WFDC5: variants seen among roughly 807,000 people sequenced by gnomAD.
The protein encoded by WFDC5 is WAP four-disulfide core domain protein 5.
A neutral mutation model predicts 15.7 loss-of-function variants in WFDC5; 15 were observed. The ratio of observed to expected loss-of-function variants is 0.96; its 90% CI spans 0.64 to 1.47. The LOEUF is 1.47. Ranked by LOEUF, WFDC5 falls within the 40% of genes most tolerant of loss-of-function variation. WFDC5 has a pLI of 0.00. For synonymous variants in WFDC5, 109 were observed against 107.7 expected, an observed-to-expected ratio of 1.01 and a Z score of -0.07; for missense variants, 280 against 258.0, an observed-to-expected ratio of 1.09 and a Z score of -0.59.
At chr20:45,112,545 C>T (rs1981649873) in intron 1 of WFDC5, among the ~76,000 whole-genome samples, 1 of 152,202 alleles carries the variant, frequency 6.6e-6, no homozygotes, top group Non-Finnish European at 1.5e-5. Context: ...GTTCTCCACT[C>T]ACAGATGTGT....
At chr20:45,114,716 CCTGACAT>C (rs1446711897) in intron 1 of WFDC5, among the ~76,000 whole-genome samples, 1 of 151,988 alleles carries the variant, frequency 6.6e-6, no homozygotes, top group African/African-American at 2.4e-5. Flanking sequence ...CCTGCCACCC[CCTGACAT>C]ATAGACAGGC....
intron 2 of WFDC5, 43 bp from the exon 3 acceptor site, chr20:45,110,583 G>A: frequency 6.2e-7 from 1 of 1,614,042 alleles, no homozygotes; most frequent in Non-Finnish European, 8.5e-7. Context: ...TTGCCCACTG[G>A]CCCTGAAGCT....
At chr20:45,109,937 C>G in exon 4 of WFDC5, 1 of 1,609,764 alleles carries the variant, frequency 6.2e-7, no homozygotes, top group Non-Finnish European at 8.5e-7. Context: ...GGGCAGGGCC[C>G]CAGGCCTCCC....
upstream of WFDC5, chr20:45,115,274 G>C (rs1158377461): frequency 5.3e-6 from 3 of 561,266 alleles, no homozygotes; most frequent in Admixed American, 9.1e-5. Context: ...GCTGAAGATA[G>C]GGTGGCGGCA....
At chr20:45,111,158 G>T (rs113269241) in intron 1 of WFDC5, among the ~76,000 whole-genome samples, 1 of 152,298 alleles carries the variant, frequency 6.6e-6, no homozygotes, top group South Asian at 2.1e-4. Context: ...TGCTCGGGCC[G>T]CATCCTTTGC....
At position 45,110,390 on chromosome 20, in the gene WFDC5, GGAGCC is replaced by G. The variant is rs776802690; in HGVS notation, c.372_376del (p.Ala125TrpfsTer7). 6 of 1,592,648 alleles carry G rather than the reference GGAGCC, an allele frequency of 3.8e-6. No homozygotes were observed. The highest frequency in any genetic ancestry group is 3.3e-4 in the Middle Eastern group (2 of 5,972). On this transcript the variant is annotated frameshift_variant, in exon 3 of 4. Transcript: ENST00000307971. LOFTEE classifies it low-confidence loss of function (END_TRUNC). ...GGGAGGCACCTGCCCTGGGCACCCA[GGAGCC>G]GTACCTCTGGCAGGATCCCGGCAAT...
At chr20:45,112,722 A>G (rs1981655739) in intron 1 of WFDC5, among the ~76,000 whole-genome samples, 1 of 152,234 alleles carries the variant, frequency 6.6e-6, no homozygotes, top group Non-Finnish European at 1.5e-5. Context: ...ATCTAGACAC[A>G]CAATTAGCTA....
At chr20:45,111,761 A>C (rs1283950990) in intron 1 of WFDC5, among the ~76,000 whole-genome samples, 1 of 152,168 alleles carries the variant, frequency 6.6e-6, no homozygotes, top group African/African-American at 2.4e-5. Flanking sequence ...GGAGGAAATC[A>C]AGGCCTGAAA....
upstream of WFDC5, among the ~76,000 whole-genome samples, chr20:45,115,412 C>A (rs1015702432): frequency 6.6e-6 from 1 of 152,180 alleles, no homozygotes; most frequent in Non-Finnish European, 1.5e-5. Flanking sequence ...GTTGTTGAGG[C>A]AGATGCTTGC....
At chr20:45,109,868 G>T in exon 4 of WFDC5, 1 of 1,214,724 alleles carries the variant, frequency 8.2e-7, no homozygotes, top group Non-Finnish European at 1.2e-6. Context: ...GGAAGTGTCA[G>T]CAGGCCAGTG....
intron 1 of WFDC5, among the ~76,000 whole-genome samples, chr20:45,114,191 C>T (rs1981694787): frequency 6.6e-6 from 1 of 152,160 alleles, no homozygotes; most frequent in African/African-American, 2.4e-5. Context: ...TCAGCCTGTC[C>T]CCATTACTGT....
At chr20:45,116,199 C>G (rs778226031), upstream of WFDC5, among the ~76,000 whole-genome samples, 91 of 152,188 alleles carry the variant, frequency 6.0e-4, 2 homozygotes, top group Non-Finnish European at 2.1e-4. Flanking sequence ...ACAGCCCTGG[C>G]AGCAGGAAGT....
chr20:45,115,146 C>T (rs1426822851), exon 1 of WFDC5: 1 of 1,516,264 alleles, frequency 6.6e-7, no homozygotes, highest in Non-Finnish European at 9.0e-7. Context: ...TCAGGGAAGC[C>T]AGAGAAACTT....
chr20:45,111,614 T>C (rs1429524574), intron 1 of WFDC5, among the ~76,000 whole-genome samples: 1 of 152,214 alleles, frequency 6.6e-6, no homozygotes, highest in Non-Finnish European at 1.5e-5. Context: ...AGGCGTTAAC[T>C]CTGTCTCTGA....
upstream of WFDC5, among the ~76,000 whole-genome samples, chr20:45,115,658 C>T (rs1981742831): frequency 6.6e-6 from 1 of 152,126 alleles, no homozygotes; most frequent in East Asian, 1.9e-4. Flanking sequence ...GACCACCCCG[C>T]CTTTGGTGAG....
At chr20:45,113,568 C>T (rs1397532631) in intron 1 of WFDC5, among the ~76,000 whole-genome samples, 1 of 152,164 alleles carries the variant, frequency 6.6e-6, no homozygotes, top group African/African-American at 2.4e-5. Flanking sequence ...CCTTATTCCT[C>T]GAGACACCAT....
intron 1 of WFDC5, among the ~76,000 whole-genome samples, chr20:45,114,768 C>T (rs1981711615): frequency 6.6e-6 from 1 of 151,860 alleles, no homozygotes; most frequent in African/African-American, 2.4e-5. Flanking sequence ...AGAAAAGACA[C>T]TTACAGATAC....
chr20:45,110,759 G>A, exon 2 of WFDC5: 1 of 1,614,058 alleles, frequency 6.2e-7, no homozygotes, highest in Non-Finnish European at 8.5e-7. Flanking sequence ...CATCTGGCGG[G>A]CAGCCCCCCG....
chr20:45,113,935 G>T (rs1981687476), intron 1 of WFDC5, among the ~76,000 whole-genome samples: 1 of 152,232 alleles, frequency 6.6e-6, no homozygotes, highest in Admixed American at 6.5e-5. Context: ...TGCTGTAATA[G>T]TTGGTAAGGT....
Sources: allele counts gnomAD v4.1 joint callset (sites outside exome capture counted in the v4.1 genomes callset), GRCh38; gene constraint gnomAD v4.1.1; transcripts MANE v1.5; gene names NCBI Gene and HGNC (gene_info 2026-07-23, HGNC 2026-07-21).